The following ZNF248 variants were observed in gnomAD, a reference collection of about 807,000 sequenced individuals.
ZNF248 encodes KRAB protein domain.
A neutral mutation model predicts 44.3 loss-of-function variants in ZNF248; 20 were observed. The ratio of observed to expected loss-of-function variants is 0.45; its 90% CI spans 0.32 to 0.66. The LOEUF is 0.66. Among genes scored for constraint, ZNF248 ranks in the 30% least tolerant of loss-of-function variants. The pLI is 0.04. For synonymous variants in ZNF248, 224 were observed against 229.0 expected, an observed-to-expected ratio of 0.98 and a Z score of 0.20; for missense variants, 654 against 677.0, an observed-to-expected ratio of 0.97 and a Z score of 0.38.
Position 37,833,066 on chromosome 10 carries a change from C to T in ZNF248, c.289G>A (p.Asp97Asn). The T allele has an allele frequency of 6.2e-7, 1 of 1,610,188 alleles. No homozygotes were observed. The highest frequency in any genetic ancestry group is 8.5e-7 in the Non-Finnish European group (1 of 1,178,736). Residue 97 changes from aspartate (D) to asparagine (N), a missense_variant, in exon 6 of 6, where the codon GAT becomes AAT. Transcript: ENST00000395867. ...DVLESSQENE[D>N]DHFWELLFHN... is the part of the protein sequence containing the mutation. ...AATAGAAGCTCCCAAAAATGGTCATCTTCATTTTCCTGGCTGCTCTCTAAC... is the reference window on the plus strand; with the variant it reads ...AATAGAAGCTCCCAAAAATGGTCATTTTCATTTTCCTGGCTGCTCTCTAAC...
chr10:37,827,939 T>G, downstream of ZNF248, among the ~76,000 whole-genome samples: 1 of 152,194 alleles, frequency 6.6e-6, no homozygotes, highest in Non-Finnish European at 1.5e-5. Flanking sequence ...CTTAGGAGTT[T>G]ACCAGAAAAC....
chr10:37,848,761 A>G (rs1263785578), intron 3 of ZNF248, among the ~76,000 whole-genome samples: 2 of 152,168 alleles, frequency 1.3e-5, no homozygotes, highest in African/African-American at 4.8e-5. Context: ...AACCTGCTGG[A>G]TTTCTTACCT....
chr10:37,844,205 G>T (rs1375171460), intron 3 of ZNF248, among the ~76,000 whole-genome samples: 2 of 152,140 alleles, frequency 1.3e-5, no homozygotes, highest in Admixed American at 6.6e-5. Context: ...TCTTTAAAGT[G>T]TTAAGAGGGG....
In ZNF248 at chr10:37,833,920, A is replaced by T. The variant is rs185717331; in HGVS notation, c.239-804T>A. 2.6e-3 allele frequency among the ~76,000 whole-genome samples: 394 copies of T among 152,256 alleles called. 1 individual carries two copies. Among genetic ancestry groups the T allele is most frequent in the African/African-American group, 8.8e-3 (367 of 41,550 alleles). Reference sequence around the variant, plus strand: ...AATAGAGTGAGTGGTAGTGAGAAACATAAGAATTAGGTTTGGCAGAGGTAA... The same window carrying T: ...AATAGAGTGAGTGGTAGTGAGAAACTTAAGAATTAGGTTTGGCAGAGGTAA... On this transcript the variant is annotated intron_variant, in intron 5 of 5. Coordinates refer to ENST00000395867, the MANE Select transcript of ZNF248 (RefSeq NM_021045.3).
In ZNF248 at chr10:37,830,331, A is replaced by C. The variant is rs556701156; in HGVS notation, c.*1284T>G. ...GAAGTGATAGTTCAATAATGGCCAT[A>C]TTCATGCATATATGCCAGGAAACAG... On this transcript the variant is annotated 3_prime_UTR_variant, in exon 6 of 6. Coordinates refer to ENST00000395867, the MANE Select transcript of ZNF248 (RefSeq NM_021045.3). 1 of 985,398 alleles carries C rather than the reference A, an allele frequency of 1.0e-6. No homozygotes were observed. Among genetic ancestry groups the C allele is most frequent in the East Asian group, 1.1e-4 (1 of 8,804 alleles). The allele number at this position is 985,398 out of a possible 1,614,324, so 61.0% of individuals were successfully genotyped here. A position where few individuals can be genotyped will look rare whatever the true frequency, so the allele number is the denominator to read the frequency against.
At chr10:37,849,996 G>A (rs1282980588) in intron 3 of ZNF248, among the ~76,000 whole-genome samples, 1 of 151,978 alleles carries the variant, frequency 6.6e-6, no homozygotes, top group African/African-American at 2.4e-5. Flanking sequence ...GCTTGAACCT[G>A]GGGGGCAGAG....
rs1223480495 is a variant in ZNF248, at chr10:37,829,201, C to A, written c.*2414G>T. The A allele has an allele frequency of 1.0e-6, 1 of 985,252 alleles. No homozygotes were observed. The highest frequency in any genetic ancestry group is 1.2e-6 in the Non-Finnish European group (1 of 829,944). The allele number at this position is 985,252 out of a possible 1,614,324, so 61.0% of individuals were successfully genotyped here. A position where few individuals can be genotyped will look rare whatever the true frequency, so the allele number is the denominator to read the frequency against. On this transcript the variant is annotated 3_prime_UTR_variant, in exon 6 of 6. Transcript: ENST00000395867. Reference sequence around the variant, plus strand: ...AGTAATGATGTCTCTTACAAGGTGGCCCCTCCTTCATGACAGCAGTTCTTA... The same window carrying A: ...AGTAATGATGTCTCTTACAAGGTGGACCCTCCTTCATGACAGCAGTTCTTA...
chr10:37,836,808 AT>A (rs1234883662), intron 5 of ZNF248, among the ~76,000 whole-genome samples: 3 of 149,298 alleles, frequency 2.0e-5, no homozygotes, highest in Non-Finnish European at 4.4e-5. Context: ...ACACACACGC[AT>A]TTTTTTGTCC....
chr10:37,766,863 T>A, the ZNF248 span, among the ~76,000 whole-genome samples: 2 of 151,388 alleles, frequency 1.3e-5, no homozygotes, highest in Middle Eastern at 3.2e-3. Flanking sequence ...GGCAAAGAAG[T>A]TAAAAACTGT....
At chr10:37,842,443 T>C (rs887275274) in intron 3 of ZNF248, among the ~76,000 whole-genome samples, 2 of 152,216 alleles carry the variant, frequency 1.3e-5, no homozygotes, top group African/African-American at 4.8e-5. Context: ...GAAAGCTTTG[T>C]GGCACTTCTA....
intron 6 of ZNF248, among the ~76,000 whole-genome samples, chr10:37,777,869 CCT>C (rs1371897667): frequency 6.6e-6 from 1 of 152,064 alleles, no homozygotes. Flanking sequence ...ATGAACTCAT[CCT>C]TTTTTATGGC....
chr10:37,854,447 A>G (rs1238837794), intron 3 of ZNF248, among the ~76,000 whole-genome samples: 2 of 152,254 alleles, frequency 1.3e-5, no homozygotes, highest in Non-Finnish European at 2.9e-5. Flanking sequence ...AAAAATAAAT[A>G]TAAGACACCC....
At chr10:37,817,343 A>G (rs2133536607) in intron 6 of ZNF248, among the ~76,000 whole-genome samples, 1 of 150,430 alleles carries the variant, frequency 6.6e-6, no homozygotes, top group Middle Eastern at 3.4e-3. Flanking sequence ...AGACCTATAT[A>G]ATTTTTTTTT....
chr10:37,784,885 T>A (rs1050473631), intron 6 of ZNF248, among the ~76,000 whole-genome samples: 1 of 152,186 alleles, frequency 6.6e-6, no homozygotes, highest in Non-Finnish European at 1.5e-5. Context: ...AAAACACCTA[T>A]GTCAGCATTT....
chr10:37,824,269 C>T (rs1296266041), downstream of ZNF248, among the ~76,000 whole-genome samples: 1 of 152,140 alleles, frequency 6.6e-6, no homozygotes, highest in Non-Finnish European at 1.5e-5. Context: ...TTGTTCTATT[C>T]AGGCCTTCAA....
the ZNF248 span, among the ~76,000 whole-genome samples, chr10:37,770,883 G>T: frequency 0.06 from 9,078 of 152,110 alleles, 347 homozygotes; most frequent in Middle Eastern, 0.095. Flanking sequence ...CTGACAAAGG[G>T]CTAATATCCG....
chr10:37,799,785 C>T (rs866208413), intron 6 of ZNF248, among the ~76,000 whole-genome samples: 2 of 152,036 alleles, frequency 1.3e-5, no homozygotes, highest in East Asian at 1.9e-4. Context: ...TGGAGAAAAA[C>T]GCTAATAACT....
chr10:37,810,924 A>G (rs1226397049), intron 6 of ZNF248, among the ~76,000 whole-genome samples: 1 of 152,180 alleles, frequency 6.6e-6, no homozygotes, highest in Non-Finnish European at 1.5e-5. Flanking sequence ...TCCGCTTAAA[A>G]TATCATGTAA....
rs2054963421 is a variant in ZNF248 at position 37,829,197 on chromosome 10, G to A, written c.*2418C>T. 1 of 985,384 alleles carries A rather than the reference G, an allele frequency of 1.0e-6. No homozygotes were observed. Among genetic ancestry groups the A allele is most frequent in the Non-Finnish European group, 1.2e-6 (1 of 829,946 alleles). 61.0% of individuals were successfully genotyped at this position (985,384 alleles called of 1,614,324 possible). The stretch of plus-strand genomic sequence containing the variant: ...TGGTAGTAATGATGTCTCTTACAAG[G>A]TGGCCCCTCCTTCATGACAGCAGTT... On this transcript the variant is annotated 3_prime_UTR_variant, in exon 6 of 6. Transcript: ENST00000395867.
Sources: allele counts gnomAD v4.1 joint callset (sites outside exome capture counted in the v4.1 genomes callset), GRCh38; gene constraint gnomAD v4.1.1; transcripts MANE v1.5; gene names NCBI Gene and HGNC (gene_info 2026-07-23, HGNC 2026-07-21).